The following ATXN7L3 variants were observed in gnomAD, a reference collection of about 807,000 sequenced individuals.
ATXN7L3 encodes ataxin 7 like 3.
A neutral mutation model predicts 50.0 loss-of-function variants in ATXN7L3; 6 were observed. The ratio of observed to expected loss-of-function variants is 0.12; its 90% CI spans 0.07 to 0.24. ATXN7L3 has a LOEUF of 0.24. Among genes scored for constraint, ATXN7L3 ranks in the 10% least tolerant of loss-of-function variants. The pLI, the probability that ATXN7L3 is intolerant of heterozygous loss-of-function variation, is 1.00. For synonymous variants in ATXN7L3, 198 were observed against 165.8 expected (o/e 1.19, Z -1.49); for missense variants, 322 against 451.3 (o/e 0.71, Z 2.60).
rs1299458476 is a variant in ATXN7L3, at chr17:44,192,438, G to C, written c.*1825C>G. ...CAGGGCAAAGAGTGTATTAGGGCCT[G>C]AGCTGCAGCTGCCTCTCAGAAGGGA... is the stretch of plus-strand genomic sequence containing the variant. On this transcript the variant is annotated 3_prime_UTR_variant, in exon 13 of 13. Coordinates refer to ENST00000587097, the MANE Select transcript of ATXN7L3 (RefSeq NM_001382309.1). 1 of 152,224 alleles carries C rather than the reference G, an allele frequency of 6.6e-6. No individual in the cohort carries two copies. The highest frequency in any genetic ancestry group is 1.9e-4 in the East Asian group (1 of 5,160). The allele number at this position is 152,224 out of a possible 1,614,324, so 9.4% of individuals were successfully genotyped here.
chr17:44,191,854 G>A lies in ATXN7L3; in HGVS notation c.*2409C>T, dbSNP rs2055652934. ...TACACCAGCAGCCATGGGGGCAGAG[G>A]GAATACACAGCGTTTACAAAGTTAG... On this transcript the variant is annotated 3_prime_UTR_variant, in exon 13 of 13. Coordinates refer to ENST00000587097, the MANE Select transcript of ATXN7L3 (RefSeq NM_001382309.1). 11 of 474,252 alleles carry A rather than the reference G, an allele frequency of 2.3e-5. No individual in the cohort carries two copies. The highest frequency in any genetic ancestry group is 1.8e-4 in the South Asian group (2 of 11,208). 29.4% of individuals were successfully genotyped at this position (474,252 alleles called of 1,614,324 possible).
Position 44,197,662 on chromosome 17 carries a change from G to A in ATXN7L3, c.120C>T (p.His40=), listed in dbSNP as rs1175938444. The change falls in exon 3 of 13, where the codon CAC becomes CAT. Residue 40 remains histidine, a synonymous_variant. Coordinates refer to ENST00000587097, the MANE Select transcript of ATXN7L3 (RefSeq NM_001382309.1). ...DSCLGFCFEV[H]RAVKCGYFFL... is the part of the protein sequence containing the mutation. ...AGAAGTAGCCACACTTGACAGCCCG[G>A]TGTACCTCAAAGCAGAATCCCAAAC... 1.9e-6 allele frequency: 3 copies of A among 1,614,120 alleles called. No individual in the cohort carries two copies. The highest frequency in any genetic ancestry group is 2.5e-6 in the Non-Finnish European group (3 of 1,180,052).
In ATXN7L3 at chr17:44,195,299, C is replaced by T. The variant is rs948005016; in HGVS notation, c.621+120G>A. 7.3e-6 allele frequency: 10 copies of T among 1,375,518 alleles called. No homozygotes were observed. In the African/African-American group the frequency reaches 1.1e-4, roughly 16 times the overall value. 85.2% of individuals were successfully genotyped at this position (1,375,518 alleles called of 1,614,324 possible). Reference sequence around the variant, plus strand: ...CACTATGGGCCGGGAAACCTAATTCCAGACAGAGAGAACGATACGGCCCTG... The same window carrying T: ...CACTATGGGCCGGGAAACCTAATTCTAGACAGAGAGAACGATACGGCCCTG... On this transcript the variant is annotated intron_variant, in intron 9 of 12. Coordinates refer to ENST00000587097, the MANE Select transcript of ATXN7L3 (RefSeq NM_001382309.1).
chr17:44,194,460 G>A lies in ATXN7L3; in HGVS notation c.896-49C>T, dbSNP rs368874400. ...ATGAGAGTATGGTTATGGCAGGAGA[G>A]GTGGCACCCCCATGGCTTTGGGCAC... On this transcript the variant is annotated intron_variant, in intron 12 of 12. Coordinates refer to ENST00000587097, the MANE Select transcript of ATXN7L3 (RefSeq NM_001382309.1). 4.6e-5 allele frequency: 75 copies of A among 1,613,214 alleles called. No individual in the cohort carries two copies. The East Asian group carries it at 9.6e-4, about 21-fold the overall frequency.
At position 44,199,487 on chromosome 17, in the gene ATXN7L3, C is replaced by G. The variant is rs1460403461; in HGVS notation, c.-61+9G>C. The G allele has an allele frequency of 2.8e-5, 4 of 145,066 alleles. No individual in the cohort carries two copies. The highest frequency in any genetic ancestry group is 6.1e-5 in the Non-Finnish European group (4 of 65,206). 9.0% of individuals were successfully genotyped at this position (145,066 alleles called of 1,614,324 possible). On this transcript the variant is annotated intron_variant, in intron 1 of 12. Transcript: ENST00000587097. ...CCCGTCCCCGTCCCCGTCTCCGTCC[C>G]GTACTCACCCCGCCCGGGGGGCCGC...
intron 4 of ATXN7L3, 27 bp from the exon 5 acceptor site, chr17:44,197,053 G>GC: frequency 6.3e-7 from 1 of 1,585,516 alleles, no homozygotes; most frequent in Middle Eastern, 1.7e-4. Context: ...AGAGAAAGGG[G>GC]CCAAGGGGAA....
At chr17:44,197,478 C>T (rs1397958408) in intron 3 of ATXN7L3, 79 bp from the exon 4 acceptor site, 11 of 1,577,112 alleles carry the variant, frequency 7.0e-6, no homozygotes, top group East Asian at 4.5e-5. Flanking sequence ...ACGGCCTCTT[C>T]AATCCCTCCC....
At chr17:44,195,728 C>T in intron 8 of ATXN7L3, 72 bp downstream of exon 8, 2 of 1,502,650 alleles carry the variant, frequency 1.3e-6, no homozygotes, top group Non-Finnish European at 1.9e-6. Flanking sequence ...ATTCTGATCC[C>T]TACTTGTCCA....
rs1396119304 is a variant in ATXN7L3, at chr17:44,199,708, T to TCGC, written c.-276_-274dup. ...CCCCTTCCCCTCCCTTCTTGTCCCG[T>TCGC]CGCCGCCTCCTCCTCCTCACCTCAC... On this transcript the variant is annotated 5_prime_UTR_variant, in exon 1 of 13. Transcript: ENST00000587097. 1.5e-5 allele frequency: 2 copies of TCGC among 133,518 alleles called. No individual in the cohort carries two copies. Among genetic ancestry groups the TCGC allele is most frequent in the Admixed American group, 7.2e-5 (1 of 13,920 alleles). The allele number at this position is 133,518 out of a possible 1,614,324, so 8.3% of individuals were successfully genotyped here.
Position 44,194,456 on chromosome 17 carries a change from G to A in ATXN7L3, c.896-45C>T, listed in dbSNP as rs372566922. 1.1e-5 allele frequency: 17 copies of A among 1,613,252 alleles called. No homozygotes were observed. In the African/African-American group the frequency reaches 1.5e-4, roughly 14 times the overall value. On this transcript the variant is annotated intron_variant, in intron 12 of 12. Coordinates refer to ENST00000587097, the MANE Select transcript of ATXN7L3 (RefSeq NM_001382309.1). ...AGGGATGAGAGTATGGTTATGGCAG[G>A]AGAGGTGGCACCCCCATGGCTTTGG...
chr17:44,196,222 G>GCCCGCCCCCCCCCCCCCCGAGC, intron 6 of ATXN7L3, 143 bp from the exon 7 acceptor site: 1 of 925,714 alleles, frequency 1.1e-6, no homozygotes, highest in Non-Finnish European at 1.7e-6. Flanking sequence ...CTACCCATGT[G>GCCCGCCCCCCCCCCCCCCGAGC]CCCTCCCCCA....
At position 44,196,972 on chromosome 17, in the gene ATXN7L3, A is replaced by G; in HGVS notation, c.411T>C (p.Asp137=). ...AGGACCAGTCGTTGTCATTGATGTC[A>G]TCATTATCTTCTTGGTCACTCTCAG... The part of the protein sequence containing the change: ...NKSESDQEDN[D]DINDNDWSYG... The change falls in exon 5 of 13, where the codon GAT becomes GAC. Residue 137 remains aspartate, a synonymous_variant. Coordinates refer to ENST00000587097, the MANE Select transcript of ATXN7L3 (RefSeq NM_001382309.1). 2 of 1,613,436 alleles carry G rather than the reference A, an allele frequency of 1.2e-6. No homozygotes were observed. The highest frequency in any genetic ancestry group is 1.7e-6 in the Non-Finnish European group (2 of 1,179,730).
At chr17:44,197,470 G>T in intron 3 of ATXN7L3, 71 bp from the exon 4 acceptor site, 5 of 1,572,584 alleles carry the variant, frequency 3.2e-6, no homozygotes, top group Non-Finnish European at 4.3e-6. Context: ...GGGGTCCCAC[G>T]GCCTCTTCAA....
Position 44,194,427 on chromosome 17 carries a change from C to T in ATXN7L3, c.896-16G>A, listed in dbSNP as rs759695306. On this transcript the variant is annotated splice_polypyrimidine_tract_variant and intron_variant, in intron 12 of 12. Transcript: ENST00000587097. ...CTGTTGGTACCTGTAGAGAAAGAGA[C>T]ACAAGGGATGAGAGTATGGTTATGG... 1.9e-6 allele frequency: 3 copies of T among 1,613,832 alleles called. No individual in the cohort carries two copies. In the South Asian group the frequency reaches 3.3e-5, roughly 18 times the overall value.
chr17:44,197,180 T>A, intron 4 of ATXN7L3, 48 bp downstream of exon 4: 1 of 1,573,120 alleles, frequency 6.4e-7, no homozygotes, highest in South Asian at 1.2e-5. Flanking sequence ...CCCGGGGGAC[T>A]ACACCATGGC....
In ATXN7L3 at chr17:44,194,589, C is replaced by T. The variant is rs1360423078; in HGVS notation, c.823G>A (p.Asp275Asn). 2.5e-6 allele frequency: 4 copies of T among 1,613,902 alleles called. No homozygotes were observed. The highest frequency in any genetic ancestry group is 2.5e-6 in the Non-Finnish European group (3 of 1,180,016). ...SQALISRLQW[D>N]GSSDLSPSDS... ...GAGGGTGAGAGGTCAGAGGAGCCGTCCCACTGAAGCCGGCTGATCAGGGCC... is the reference window on the plus strand; with the variant it reads ...GAGGGTGAGAGGTCAGAGGAGCCGTTCCACTGAAGCCGGCTGATCAGGGCC... The change falls in exon 12 of 13, where the codon GAC becomes AAC. Residue 275 changes from aspartate to asparagine, a missense_variant. Asp to Asn is a conservative substitution (Grantham distance 23, BLOSUM62 1). Coordinates refer to ENST00000587097, the MANE Select transcript of ATXN7L3 (RefSeq NM_001382309.1).
At chr17:44,197,556 C>T (rs1281751191) in intron 3 of ATXN7L3, 42 bp downstream of exon 3, 11 of 1,613,434 alleles carry the variant, frequency 6.8e-6, no homozygotes, top group Non-Finnish European at 9.3e-6. Context: ...CAGGCAGTCC[C>T]AGGGAAGGGC....
At chr17:44,198,672 C>G (rs977349318) in intron 1 of ATXN7L3, among the ~76,000 whole-genome samples, 3 of 151,944 alleles carry the variant, frequency 2.0e-5, no homozygotes, top group Non-Finnish European at 4.4e-5. Context: ...TGCCACTCCA[C>G]GAGGGGAGCA....
At position 44,194,505 on chromosome 17, in the gene ATXN7L3, T is replaced by C; in HGVS notation, c.895+12A>G. On this transcript the variant is annotated intron_variant, in intron 12 of 12. Coordinates refer to ENST00000587097, the MANE Select transcript of ATXN7L3 (RefSeq NM_001382309.1). ...GGGCACAGAGCCCCTAGGGCCCAAC[T>C]GCATCACGTACCTAGACCCCATCCC... 1 of 1,613,504 alleles carries C rather than the reference T, an allele frequency of 6.2e-7. No homozygotes were observed. Among genetic ancestry groups the C allele is most frequent in the Non-Finnish European group, 8.5e-7 (1 of 1,179,898 alleles).
Sources: allele counts gnomAD v4.1 joint callset (sites outside exome capture counted in the v4.1 genomes callset), GRCh38; gene constraint gnomAD v4.1.1; transcripts MANE v1.5; gene names NCBI Gene and HGNC (gene_info 2026-07-23, HGNC 2026-07-21).